The following MAF variants were observed in gnomAD, a reference collection of about 807,000 sequenced individuals.
MAF encodes MAF bZIP transcription factor, also known as transcription factor Maf.
In MAF, 10 loss-of-function variants were observed where a neutral mutation model predicts 22.0. That is an observed-to-expected ratio of 0.45 (90% confidence interval 0.28 to 0.77). The LOEUF (loss-of-function observed/expected upper bound fraction) is 0.77. Ranked by LOEUF, MAF falls within the 30% of genes least tolerant of loss-of-function variation. The pLI is 0.12. For synonymous variants in MAF, 337 were observed against 255.8 expected (o/e 1.32, Z -3.03); for missense variants, 544 against 548.4 (o/e 0.99, Z 0.08).
the MAF span, among the ~76,000 whole-genome samples, chr16:79,570,423 C>T: frequency 6.6e-6 from 1 of 152,192 alleles, no homozygotes; most frequent in Admixed American, 6.5e-5. Flanking sequence ...CCTGGAGCAT[C>T]CTATCACTTC....
At chr16:79,554,129 A>ACC in the MAF span, among the ~76,000 whole-genome samples, 113 of 57,442 alleles carry the variant, frequency 2.0e-3, 1 homozygote, top group South Asian at 0.018. Context: ...AAACAAACAA[A>ACC]ACCACCAAAC....
At chr16:79,289,193 G>T in the MAF span, among the ~76,000 whole-genome samples, 1 of 152,208 alleles carries the variant, frequency 6.6e-6, no homozygotes, top group East Asian at 1.9e-4. Context: ...ATTTCAAGCA[G>T]GGAGTGGCAC....
the MAF span, among the ~76,000 whole-genome samples, chr16:79,241,073 G>A: frequency 2.6e-5 from 4 of 152,076 alleles, no homozygotes; most frequent in East Asian, 1.9e-4. Context: ...GTAAATCCAC[G>A]AAGATGGGGA....
At chr16:79,472,974 A>G in the MAF span, among the ~76,000 whole-genome samples, 2 of 152,068 alleles carry the variant, frequency 1.3e-5, no homozygotes, top group East Asian at 3.9e-4. Context: ...ACACAACACA[A>G]TTCTGTCCTA....
chr16:79,233,874 C>A, the MAF span, among the ~76,000 whole-genome samples: 9 of 151,740 alleles, frequency 5.9e-5, no homozygotes, highest in African/African-American at 2.2e-4. Context: ...CACCTGTAAT[C>A]CCAGCTACTC....
chr16:79,468,408 G>T, the MAF span, among the ~76,000 whole-genome samples: 1 of 152,246 alleles, frequency 6.6e-6, no homozygotes, highest in Non-Finnish European at 1.5e-5. Context: ...AGCACTTGGG[G>T]TGTCCTCATG....
chr16:79,424,090 G>T, the MAF span, among the ~76,000 whole-genome samples: 3 of 152,186 alleles, frequency 2.0e-5, no homozygotes, highest in African/African-American at 4.8e-5. Flanking sequence ...AACACGCACT[G>T]CTAGGTATTT....
the MAF span, among the ~76,000 whole-genome samples, chr16:79,372,649 G>T: frequency 2.0e-5 from 3 of 152,170 alleles, 1 homozygote; most frequent in African/African-American, 7.2e-5. Context: ...TGAGCCCCCA[G>T]CAGGCTCCAT....
the MAF span, among the ~76,000 whole-genome samples, chr16:79,331,346 T>C: frequency 6.6e-6 from 1 of 152,212 alleles, no homozygotes; most frequent in Non-Finnish European, 1.5e-5. Flanking sequence ...CAGAGAAACC[T>C]TAAATGCCAG....
chr16:79,540,600 C>A, the MAF span, among the ~76,000 whole-genome samples: 1 of 152,206 alleles, frequency 6.6e-6, no homozygotes, highest in Non-Finnish European at 1.5e-5. Context: ...TGGCTAGGAA[C>A]CTCTGTGGGA....
chr16:79,418,289 G>A, the MAF span, among the ~76,000 whole-genome samples: 2 of 152,052 alleles, frequency 1.3e-5, no homozygotes, highest in Non-Finnish European at 2.9e-5. Flanking sequence ...TCATTATCTG[G>A]GGACAGTTTT....
the MAF span, among the ~76,000 whole-genome samples, chr16:79,357,916 C>T: frequency 6.6e-6 from 1 of 152,212 alleles, no homozygotes; most frequent in Non-Finnish European, 1.5e-5. Flanking sequence ...CAGGGGCTAA[C>T]CTGATCCGGG....
At chr16:79,410,161 A>T in the MAF span, among the ~76,000 whole-genome samples, 2 of 152,176 alleles carry the variant, frequency 1.3e-5, no homozygotes, top group Non-Finnish European at 2.9e-5. Flanking sequence ...TCGAGCTGTA[A>T]CCAATCCAGC....
chr16:79,559,171 G>C, the MAF span, among the ~76,000 whole-genome samples: 12 of 152,158 alleles, frequency 7.9e-5, no homozygotes, highest in Non-Finnish European at 1.6e-4. Context: ...TAACCGGCTT[G>C]CACCATCAAG....
chr16:79,369,625 G>T, the MAF span, among the ~76,000 whole-genome samples: 1 of 152,176 alleles, frequency 6.6e-6, no homozygotes, highest in Non-Finnish European at 1.5e-5. Context: ...AGTTTGTGTC[G>T]ATGGAAGCAA....
chr16:79,244,955 A>T, the MAF span, among the ~76,000 whole-genome samples: 1 of 152,084 alleles, frequency 6.6e-6, no homozygotes, highest in African/African-American at 2.4e-5. Context: ...TGGCAAAAAC[A>T]ATCAATGGGG....
At chr16:79,244,013 A>G in the MAF span, among the ~76,000 whole-genome samples, 1 of 152,068 alleles carries the variant, frequency 6.6e-6, no homozygotes, top group East Asian at 1.9e-4. Flanking sequence ...ACAAAATTCA[A>G]CAACCCTTCA....
the MAF span, among the ~76,000 whole-genome samples, chr16:79,342,520 C>G: frequency 5.3e-5 from 8 of 152,058 alleles, no homozygotes; most frequent in Non-Finnish European, 8.8e-5. Context: ...GGCAGGTAAT[C>G]ATTATCAACA....
chr16:79,571,022 G>C, the MAF span, among the ~76,000 whole-genome samples: 16,969 of 151,850 alleles, frequency 0.11, 1,046 homozygotes, highest in African/African-American at 0.14. Context: ...TAGAGGGAAA[G>C]TGACTTTCCC....
Sources: allele counts gnomAD v4.1 joint callset (sites outside exome capture counted in the v4.1 genomes callset), GRCh38; gene constraint gnomAD v4.1.1; transcripts MANE v1.5; gene names NCBI Gene and HGNC (gene_info 2026-07-23, HGNC 2026-07-21).